AMPH: variants seen among roughly 807,000 people sequenced by gnomAD.
The protein encoded by AMPH is amphiphysin, also known as amphiphysin (Stiff-Mann syndrome with breast cancer 128kD autoantigen).
A neutral mutation model predicts 99.1 loss-of-function variants in AMPH; 49 were observed. The ratio of observed to expected loss-of-function variants is 0.49; its 90% CI spans 0.39 to 0.63. AMPH has a LOEUF of 0.63. Among genes scored for constraint, AMPH ranks in the 20% least tolerant of loss-of-function variants. AMPH has a pLI of 0.00. For synonymous variants in AMPH, 314 were observed against 317.3 expected, an observed-to-expected ratio of 0.99 and a Z score of 0.11; for missense variants, 759 against 863.4, an observed-to-expected ratio of 0.88 and a Z score of 1.52.
chr7:38,489,621 G>A (rs1395687904), intron 5 of AMPH, among the ~76,000 whole-genome samples: 3 of 152,034 alleles, frequency 2.0e-5, no homozygotes, highest in Non-Finnish European at 4.4e-5. Context: ...CAAACCACAT[G>A]TTTGATGAGG....
chr7:38,526,913 C>A (rs918764175), intron 2 of AMPH, among the ~76,000 whole-genome samples: 4 of 152,042 alleles, frequency 2.6e-5, no homozygotes, highest in Non-Finnish European at 4.4e-5. Context: ...TATTTAAGTT[C>A]TTGATATACT....
chr7:38,540,439 T>C (rs1244941174), intron 1 of AMPH, among the ~76,000 whole-genome samples: 1 of 151,892 alleles, frequency 6.6e-6, no homozygotes, highest in Admixed American at 6.6e-5. Flanking sequence ...AAAGACATCA[T>C]GACATAGGCA....
At chr7:38,555,952 G>T (rs1480919230) in intron 1 of AMPH, among the ~76,000 whole-genome samples, 1 of 151,992 alleles carries the variant, frequency 6.6e-6, no homozygotes, top group African/African-American at 2.4e-5. Context: ...CAGACAATGG[G>T]GACTCCTAGA....
chr7:38,535,096 T>A (rs1790549249), intron 1 of AMPH, 85 bp from the exon 2 acceptor site: 3 of 1,247,950 alleles, frequency 2.4e-6, no homozygotes, highest in Non-Finnish European at 3.5e-6. Context: ...AGCAAGGCTG[T>A]TGTTTTGCTC....
At chr7:38,525,149 T>C (rs1402034531) in intron 2 of AMPH, among the ~76,000 whole-genome samples, 1 of 148,304 alleles carries the variant, frequency 6.7e-6, no homozygotes, top group African/African-American at 2.5e-5. Context: ...TATAGTTGTG[T>C]TACTTGTGTG....
intron 19 of AMPH, among the ~76,000 whole-genome samples, chr7:38,390,809 C>G (rs73694042): frequency 0.031 from 4,703 of 152,172 alleles, 121 homozygotes; most frequent in African/African-American, 0.068. Flanking sequence ...TGCTTGTGCT[C>G]CAGTTAAAAC....
chr7:38,620,363 T>TGTG (rs1794012597), intron 1 of AMPH, among the ~76,000 whole-genome samples: 1 of 146,994 alleles, frequency 6.8e-6, no homozygotes, highest in African/African-American at 2.5e-5. Flanking sequence ...TGTGTGTGTG[T>TGTG]CTGTGTGTGT....
Position 38,391,784 on chromosome 7 carries a change from C to G in AMPH, c.1842G>C (p.Glu614Asp), listed in dbSNP as rs138082297. ...GAADQLASAR[E>D]ASQELPPGFL... The stretch of plus-strand genomic sequence containing the variant: ...AGCCAGGAGGCAATTCCTGAGAGGC[C>G]TCCCTTGCAGATGCTAGCTGGTCAG... Residue 614 changes from glutamate (E) to aspartate (D), a missense_variant, in exon 19 of 21, where the codon GAG becomes GAC. This residue lies in a region of AMPH where 554 missense variants were observed against 575.6 expected (regional missense o/e 0.96). Transcript: ENST00000356264. 453 of 1,613,892 alleles carry G rather than the reference C, an allele frequency of 2.8e-4. 2 individuals are homozygous for G. In the African/African-American group the frequency reaches 5.5e-3, roughly 20 times the overall value.
At chr7:38,559,449 G>GA (rs1191579379) in intron 1 of AMPH, among the ~76,000 whole-genome samples, 1 of 152,194 alleles carries the variant, frequency 6.6e-6, no homozygotes, top group Non-Finnish European at 1.5e-5. Flanking sequence ...GGGAGCCAGG[G>GA]ATCCCAGCAA....
In AMPH at chr7:38,429,842, C is replaced by T. The variant is rs936634704; in HGVS notation, c.1182G>A (p.Pro394=). ...CAGAATGATCTGGATATTTACCTAC[C>T]GGCTGTACCAAATCAGTGCTTGTCT... is the stretch of plus-strand genomic sequence containing the variant. The part of the protein sequence containing the change: ...LWTTSTDLVQ[P]ASGGSFNGFT... The change falls in exon 14 of 21, where the codon CCG becomes CCA. Residue 394 remains proline, a splice_region_variant and synonymous_variant. Transcript: ENST00000356264. 1 of 1,605,106 alleles carries T rather than the reference C, an allele frequency of 6.2e-7. No individual in the cohort carries two copies. The highest frequency in any genetic ancestry group is 8.5e-7 in the Non-Finnish European group (1 of 1,177,812).
chr7:38,420,082 C>T (rs1785528226), intron 16 of AMPH, among the ~76,000 whole-genome samples: 1 of 152,106 alleles, frequency 6.6e-6, no homozygotes, highest in Non-Finnish European at 1.5e-5. Context: ...CCCCACAAGT[C>T]ACAAGATGTT....
intron 1 of AMPH, among the ~76,000 whole-genome samples, chr7:38,577,768 G>C (rs1421390978): frequency 6.6e-6 from 1 of 150,790 alleles, no homozygotes; most frequent in African/African-American, 2.4e-5. Flanking sequence ...AAGGAAGGAA[G>C]GGAGAGAAAG....
intron 11 of AMPH, among the ~76,000 whole-genome samples, chr7:38,452,874 AT>A (rs1787088976): frequency 6.6e-6 from 1 of 152,224 alleles, no homozygotes; most frequent in Admixed American, 6.5e-5. Flanking sequence ...TAAAATGGCT[AT>A]TTATAGCTAC....
intron 2 of AMPH, among the ~76,000 whole-genome samples, chr7:38,521,514 C>G (rs112528480): frequency 0.015 from 2,345 of 152,222 alleles, 52 homozygotes; most frequent in African/African-American, 0.054. Flanking sequence ...GAGCAAGACT[C>G]TGTCTCAAAA....
chr7:38,442,197 A>G (rs991196726), intron 11 of AMPH, among the ~76,000 whole-genome samples: 1 of 152,242 alleles, frequency 6.6e-6, no homozygotes, highest in Middle Eastern at 3.4e-3. Flanking sequence ...ACAAACGCCC[A>G]TGACACAAGT....
At chr7:38,427,873 A>T (rs1223919464) in intron 14 of AMPH, 3 of 456,566 alleles carry the variant, frequency 6.6e-6, no homozygotes, top group Non-Finnish European at 4.4e-6. Flanking sequence ...TGGTACAACA[A>T]TCCATATCTC....
chr7:38,530,230 T>G (rs896631076), intron 2 of AMPH, among the ~76,000 whole-genome samples: 7 of 152,316 alleles, frequency 4.6e-5, no homozygotes, highest in African/African-American at 1.7e-4. Flanking sequence ...CCAGGAGGTG[T>G]GAGTTCAGTC....
chr7:38,447,127 CT>C (rs747076017), intron 11 of AMPH, among the ~76,000 whole-genome samples: 9 of 152,114 alleles, frequency 5.9e-5, no homozygotes, highest in Non-Finnish European at 1.2e-4. Flanking sequence ...TCAAGCGATT[CT>C]CCTGCCTCCG....
At chr7:38,455,407 G>C (rs74301933) in intron 11 of AMPH, among the ~76,000 whole-genome samples, 16,926 of 152,164 alleles carry the variant, frequency 0.11, 1,344 homozygotes, top group East Asian at 0.28. Flanking sequence ...CAAGATGGCC[G>C]ACTAAAGAAA....
Sources: gnomAD v4.1 joint callset for allele counts (sites outside exome capture counted in the v4.1 genomes callset) on GRCh38, gnomAD v4.1.1 for gene constraint, gnomAD v4.1.1 regional missense constraint, MANE v1.5 for transcripts, NCBI Gene and HGNC (gene_info 2026-07-23, HGNC 2026-07-21) for gene names.